Variants in LRP1B observed in about 807,000 individuals in gnomAD.
The protein encoded by LRP1B is LDL receptor related protein 1B, also known as low-density lipoprotein receptor-related protein 1B.
LRP1B carries 217 observed loss-of-function variants against 556.6 expected under a neutral mutation model. The ratio of observed to expected loss-of-function variants is 0.39; its 90% confidence interval spans 0.35 to 0.44. LRP1B has a LOEUF of 0.44. Ranked by LOEUF, LRP1B falls within the 20% of genes least tolerant of loss-of-function variation. LRP1B has a pLI of 1.00. For missense variants in LRP1B, 5,053 were observed against 5,620.8 expected, an observed-to-expected ratio of 0.90 and a Z score of 3.23; for synonymous variants, 2,047 against 1,865.8, an observed-to-expected ratio of 1.10 and a Z score of -2.50.
intron 2 of LRP1B, among the ~76,000 whole-genome samples, chr2:141,500,677 G>A (rs974873842): frequency 8.5e-5 from 13 of 152,142 alleles, no homozygotes; most frequent in African/African-American, 1.7e-4. Context: ...AGAGGGATTC[G>A]GTCAGTGGTT....
intron 20 of LRP1B, among the ~76,000 whole-genome samples, chr2:140,937,980 G>T (rs1573900699): frequency 1.3e-5 from 2 of 151,194 alleles, no homozygotes; most frequent in South Asian, 2.1e-4. Flanking sequence ...TAGCATGATT[G>T]TTTGAAACCA....
intron 7 of LRP1B, among the ~76,000 whole-genome samples, chr2:141,169,819 AAAG>A (rs1365457192): frequency 2.0e-5 from 3 of 151,616 alleles, no homozygotes; most frequent in Admixed American, 6.6e-5. Flanking sequence ...AAAAAAAAAA[AAAG>A]AATAGAATTA....
intron 7 of LRP1B, among the ~76,000 whole-genome samples, chr2:141,182,964 G>T (rs1409297371): frequency 6.6e-6 from 1 of 151,876 alleles, no homozygotes; most frequent in Non-Finnish European, 1.5e-5. Context: ...TACCTTCCAA[G>T]ATGGGTATAT....
At position 141,626,691 on chromosome 2, in the gene LRP1B, G is replaced by A. The variant is rs145173810; in HGVS notation, c.206-146158C>T. On this transcript the variant is annotated intron_variant, in intron 2 of 90. Coordinates refer to ENST00000389484, the MANE Select transcript of LRP1B (RefSeq NM_018557.3). ...CCAAAGAAGATGGCAAATAGTATAC[G>A]AAAAGATGCTCAACATCATGTATCA... Among the ~76,000 whole-genome samples, 9 of 152,238 alleles carry A rather than the reference G, an allele frequency of 5.9e-5. No homozygotes were observed. The East Asian group carries it at 7.7e-4, about 13-fold the overall frequency.
intron 41 of LRP1B, among the ~76,000 whole-genome samples, chr2:140,629,490 T>C (rs1683801143): frequency 6.7e-6 from 1 of 149,134 alleles, no homozygotes; most frequent in South Asian, 2.1e-4. Flanking sequence ...GCTTATGTAT[T>C]CAAATGTCAA....
chr2:140,675,366 A>G (rs1254897891), intron 41 of LRP1B, among the ~76,000 whole-genome samples: 1 of 152,232 alleles, frequency 6.6e-6, no homozygotes, highest in Non-Finnish European at 1.5e-5. Context: ...TTTGCCAAAC[A>G]TGCATTTTAA....
intron 3 of LRP1B, among the ~76,000 whole-genome samples, chr2:141,434,527 A>C (rs1051833124): frequency 1.3e-5 from 2 of 152,082 alleles, no homozygotes; most frequent in African/African-American, 4.8e-5. Flanking sequence ...TGTTTCCTTT[A>C]AGTCTCCAAA....
intron 33 of LRP1B, among the ~76,000 whole-genome samples, chr2:140,772,421 T>A (rs546568087): frequency 1.3e-5 from 2 of 152,210 alleles, no homozygotes; most frequent in South Asian, 4.1e-4. Context: ...GCAATTCTCC[T>A]GCCTCAGCCT....
At chr2:140,686,047 A>G (rs904152774) in intron 41 of LRP1B, among the ~76,000 whole-genome samples, 8 of 152,142 alleles carry the variant, frequency 5.3e-5, no homozygotes, top group African/African-American at 1.9e-4. Context: ...ATGCTCCAAA[A>G]TATAGACCAC....
chr2:141,545,363 G>T (rs1685514369), intron 2 of LRP1B, among the ~76,000 whole-genome samples: 2 of 152,122 alleles, frequency 1.3e-5, no homozygotes, highest in Non-Finnish European at 2.9e-5. Context: ...ACACAGTTTG[G>T]CCCATGGTTT....
At chr2:141,793,376 AC>A (rs370959545) in intron 2 of LRP1B, among the ~76,000 whole-genome samples, 453 of 152,100 alleles carry the variant, frequency 3.0e-3, no homozygotes, top group African/African-American at 0.01. Flanking sequence ...CTACTTAAAC[AC>A]ATTGAACACT....
At position 140,487,728 on chromosome 2, in the gene LRP1B, A is replaced by T; in HGVS notation, c.9132T>A (p.Asn3044Lys). The stretch of plus-strand genomic sequence containing the variant: ...TGTAATCAAAGTCTATAGCAATAAC[A>T]TTGTTTAATCCCTGAAAATAAAAAA... Reference protein sequence around the residue: ...NYTLLKQGLNNVIAIDFDYRE... With the variant: ...NYTLLKQGLNKVIAIDFDYRE... The change falls in exon 58 of 91, where the codon AAT (asparagine) becomes AAA (lysine). Residue 3044 changes from asparagine to lysine, a missense_variant. Transcript: ENST00000389484. 1 of 1,542,144 alleles carries T rather than the reference A, an allele frequency of 6.5e-7. No individual in the cohort carries two copies. Among genetic ancestry groups the T allele is most frequent in the South Asian group, 1.2e-5 (1 of 85,904 alleles).
At chr2:141,965,757 AAT>A (rs1701542145) in intron 1 of LRP1B, among the ~76,000 whole-genome samples, 2 of 63,584 alleles carry the variant, frequency 3.1e-5, no homozygotes, top group African/African-American at 7.3e-5. Context: ...TAAAAAAAAT[AAT>A]AATAATAGTA....
At chr2:141,522,373 A>G (rs577433301) in intron 2 of LRP1B, among the ~76,000 whole-genome samples, 1 of 152,292 alleles carries the variant, frequency 6.6e-6, no homozygotes, top group African/African-American at 2.4e-5. Flanking sequence ...TTCAGAACAG[A>G]CATCAGATTT....
intron 1 of LRP1B, among the ~76,000 whole-genome samples, chr2:141,962,243 T>C (rs530645768): frequency 3.9e-4 from 45 of 115,330 alleles, no homozygotes; most frequent in Admixed American, 5.9e-4. Flanking sequence ...TTCTCACAGA[T>C]GATAGTATTA....
intron 27 of LRP1B, among the ~76,000 whole-genome samples, chr2:140,858,428 G>C (rs1020457620): frequency 6.7e-6 from 1 of 149,658 alleles, no homozygotes; most frequent in Non-Finnish European, 1.5e-5. Context: ...GTATGTACGT[G>C]TATAACCTCT....
chr2:141,025,415 C>A (rs1698189989), intron 11 of LRP1B, among the ~76,000 whole-genome samples: 1 of 152,040 alleles, frequency 6.6e-6, no homozygotes, highest in Admixed American at 6.6e-5. Context: ...ATTTGGCTAG[C>A]CCATGGTACA....
chr2:141,241,903 T>A (rs1683892012), intron 5 of LRP1B, among the ~76,000 whole-genome samples: 1 of 151,732 alleles, frequency 6.6e-6, no homozygotes, highest in Non-Finnish European at 1.5e-5. Flanking sequence ...TAATAACTTA[T>A]GCAGGAATTA....
At chr2:141,205,356 A>G (rs185576276) in intron 6 of LRP1B, among the ~76,000 whole-genome samples, 9 of 152,354 alleles carry the variant, frequency 5.9e-5, no homozygotes, top group Admixed American at 3.3e-4. Context: ...TTGACTCTCC[A>G]TGTAATTCTG....
Sources: gnomAD v4.1 joint callset for allele counts (sites outside exome capture counted in the v4.1 genomes callset) on GRCh38, gnomAD v4.1.1 for gene constraint, MANE v1.5 for transcripts, NCBI Gene and HGNC (gene_info 2026-07-23, HGNC 2026-07-21) for gene names.